Variants in GRM8 observed in about 807,000 individuals in gnomAD.
GRM8 encodes glutamate metabotropic receptor 8.
A neutral mutation model predicts 87.2 loss-of-function variants in GRM8; 47 were observed. The observed-to-expected ratio is 0.54, with a 90% CI of 0.43 to 0.69. The LOEUF (loss-of-function observed/expected upper bound fraction) is 0.69. Ranked by LOEUF, GRM8 falls within the 30% of genes least tolerant of loss-of-function variation. The pLI, the probability that GRM8 is intolerant of heterozygous loss-of-function variation, is 0.00. For missense variants in GRM8, 1,019 were observed against 1,139.2 expected, an observed-to-expected ratio of 0.89 and a Z score of 1.52; for synonymous variants, 396 against 404.5, an observed-to-expected ratio of 0.98 and a Z score of 0.25.
intron 3 of GRM8, among the ~76,000 whole-genome samples, chr7:126,930,066 A>G (rs17150358): frequency 0.1 from 15,503 of 152,266 alleles, 958 homozygotes; most frequent in East Asian, 0.22. Flanking sequence ...GAAAGGAATC[A>G]TAGCCCTGTG....
chr7:127,164,523 G>C (rs951824002), intron 2 of GRM8, among the ~76,000 whole-genome samples: 2 of 152,132 alleles, frequency 1.3e-5, no homozygotes, highest in African/African-American at 4.8e-5. Flanking sequence ...GCAAAGATCT[G>C]TATTATAAAC....
At chr7:126,811,140 G>A (rs1335583981) in intron 6 of GRM8, among the ~76,000 whole-genome samples, 1 of 152,050 alleles carries the variant, frequency 6.6e-6, no homozygotes, top group Non-Finnish European at 1.5e-5. Context: ...CATTCCCAAT[G>A]TATGTTCTTG....
intron 6 of GRM8, among the ~76,000 whole-genome samples, chr7:126,896,897 C>G (rs1406182981): frequency 2.0e-5 from 3 of 152,152 alleles, no homozygotes; most frequent in African/African-American, 4.8e-5. Flanking sequence ...ACCTCAAATT[C>G]CACAAGACAG....
At chr7:127,175,590 AG>A (rs1274479951) in intron 2 of GRM8, among the ~76,000 whole-genome samples, 1 of 152,224 alleles carries the variant, frequency 6.6e-6, no homozygotes, top group African/African-American at 2.4e-5. Flanking sequence ...AGAAGAAGCC[AG>A]AAGGAACAAA....
At chr7:126,595,703 A>G (rs62477880) in intron 8 of GRM8, among the ~76,000 whole-genome samples, 46,919 of 151,902 alleles carry the variant, frequency 0.31, 8,123 homozygotes, top group East Asian at 0.44. Context: ...TTATATGGCC[A>G]TGTAGTATTC....
chr7:126,639,140 G>T (rs895270845), intron 7 of GRM8, among the ~76,000 whole-genome samples: 2 of 152,198 alleles, frequency 1.3e-5, no homozygotes, highest in African/African-American at 2.4e-5. Context: ...TCAAGTGCTT[G>T]TCCAGATGCC....
intron 7 of GRM8, among the ~76,000 whole-genome samples, chr7:126,612,930 C>T (rs1182983993): frequency 2.6e-5 from 4 of 152,134 alleles, no homozygotes; most frequent in Non-Finnish European, 5.9e-5. Context: ...CATTAGAAAC[C>T]ACGGGGAAAC....
intron 3 of GRM8, among the ~76,000 whole-genome samples, chr7:126,927,724 C>T (rs1395875039): frequency 2.6e-5 from 4 of 152,074 alleles, no homozygotes; most frequent in South Asian, 2.1e-4. Flanking sequence ...ACAACAGATG[C>T]TGGAGAGGAT....
intron 7 of GRM8, among the ~76,000 whole-genome samples, chr7:126,636,750 C>G (rs1801899155): frequency 6.6e-6 from 1 of 151,854 alleles, no homozygotes; most frequent in African/African-American, 2.4e-5. Context: ...TATACCCTAA[C>G]TAAATTCAAA....
At chr7:126,709,528 G>A (rs1005463349) in intron 7 of GRM8, among the ~76,000 whole-genome samples, 7 of 152,094 alleles carry the variant, frequency 4.6e-5, no homozygotes, top group Non-Finnish European at 7.4e-5. Context: ...GAAGACATAA[G>A]TGTTGCAAAG....
At chr7:126,650,900 C>T (rs1215973018) in intron 7 of GRM8, among the ~76,000 whole-genome samples, 3 of 152,064 alleles carry the variant, frequency 2.0e-5, no homozygotes, top group Non-Finnish European at 2.9e-5. Flanking sequence ...ACATGGACTT[C>T]CACTCACCAA....
chr7:126,674,189 C>G (rs562814340), intron 7 of GRM8, among the ~76,000 whole-genome samples: 4 of 152,312 alleles, frequency 2.6e-5, no homozygotes, highest in African/African-American at 7.2e-5. Flanking sequence ...GTACTGCTTA[C>G]TAGAGATTTA....
intron 7 of GRM8, among the ~76,000 whole-genome samples, chr7:126,688,122 A>C (rs1243898697): frequency 6.6e-6 from 1 of 152,180 alleles, no homozygotes; most frequent in African/African-American, 2.4e-5. Context: ...TAAAATTCTC[A>C]TATCCAGTAG....
chr7:126,841,376 G>A (rs1796255960), intron 6 of GRM8, among the ~76,000 whole-genome samples: 1 of 152,236 alleles, frequency 6.6e-6, no homozygotes, highest in African/African-American at 2.4e-5. Context: ...GGCTCAGCAG[G>A]ACAATTGACC....
At chr7:126,690,584 C>G (rs1808696578) in intron 7 of GRM8, among the ~76,000 whole-genome samples, 1 of 152,194 alleles carries the variant, frequency 6.6e-6, no homozygotes, top group African/African-American at 2.4e-5. Flanking sequence ...TTCTCTGCTT[C>G]TAGTAGACCA....
intron 7 of GRM8, among the ~76,000 whole-genome samples, chr7:126,624,893 T>C (rs953208270): frequency 1.3e-5 from 2 of 152,196 alleles, no homozygotes; most frequent in African/African-American, 4.8e-5. Flanking sequence ...GAACTTACAT[T>C]AGGCTGGATT....
chr7:127,174,268 G>T (rs959360950), intron 2 of GRM8, among the ~76,000 whole-genome samples: 1 of 152,192 alleles, frequency 6.6e-6, no homozygotes, highest in Non-Finnish European at 1.5e-5. Context: ...CTCAGATGTT[G>T]TGCATGGCAG....
At chr7:127,028,890 T>C (rs928180858) in intron 3 of GRM8, among the ~76,000 whole-genome samples, 2 of 152,180 alleles carry the variant, frequency 1.3e-5, no homozygotes, top group Non-Finnish European at 2.9e-5. Flanking sequence ...TTTGAATTTG[T>C]TTGCTCTTGC....
In GRM8 at chr7:126,839,485, C is replaced by T. The variant is rs186821523; in HGVS notation, c.1156+63057G>A. ...CAGATATTAAAATAGTCAGCTCTTC[C>T]TGAAGATGCAAGACATCTAAAGAAT... On this transcript the variant is annotated intron_variant, in intron 6 of 10. Transcript: ENST00000339582. Among the ~76,000 whole-genome samples the T allele has an allele frequency of 6.6e-5, 10 of 152,262 alleles. No homozygotes were observed. In the East Asian group the frequency reaches 1.5e-3, roughly 24 times the overall value.
Sources: gnomAD v4.1 joint callset for allele counts (sites outside exome capture counted in the v4.1 genomes callset) on GRCh38, gnomAD v4.1.1 for gene constraint, MANE v1.5 for transcripts, NCBI Gene and HGNC (gene_info 2026-07-23, HGNC 2026-07-21) for gene names.